MAGI1: variants seen among roughly 807,000 people sequenced by gnomAD.
MAGI1 encodes membrane-associated guanylate kinase, WW and PDZ domain-containing protein 1.
In MAGI1, 58 loss-of-function variants were observed where a neutral mutation model predicts 139.9. That is an observed-to-expected ratio of 0.41 (90% confidence interval 0.34 to 0.52). The LOEUF (loss-of-function observed/expected upper bound fraction) is 0.52. Ranked by LOEUF, MAGI1 falls within the 20% of genes least tolerant of loss-of-function variation. The probability of loss-of-function intolerance (pLI) is 0.12; values close to 1 mark genes in which losing one functional copy is unlikely to be tolerated. For missense variants in MAGI1, 1,874 were observed against 1,901.6 expected, an observed-to-expected ratio of 0.99 and a Z score of 0.27; for synonymous variants, 812 against 737.9, an observed-to-expected ratio of 1.10 and a Z score of -1.63.
chr3:65,850,798 C>T (rs1293450578), intron 1 of MAGI1, among the ~76,000 whole-genome samples: 1 of 152,112 alleles, frequency 6.6e-6, no homozygotes, highest in Non-Finnish European at 1.5e-5. Flanking sequence ...CCCAGTCAGG[C>T]TACCTTTATT....
intron 7 of MAGI1, among the ~76,000 whole-genome samples, chr3:65,444,035 A>T (rs1344134025): frequency 2.6e-5 from 4 of 152,176 alleles, no homozygotes; most frequent in Non-Finnish European, 4.4e-5. Flanking sequence ...TTTTGTTCAG[A>T]TTTGGCTGCA....
intron 2 of MAGI1, among the ~76,000 whole-genome samples, chr3:65,557,038 C>T (rs1265905276): frequency 2.0e-5 from 3 of 152,188 alleles, no homozygotes; most frequent in Non-Finnish European, 4.4e-5. Flanking sequence ...TGAACAGCAA[C>T]TTATCAGAAG....
intron 1 of MAGI1, among the ~76,000 whole-genome samples, chr3:66,010,486 G>C (rs756371534): frequency 5.3e-5 from 8 of 152,170 alleles, no homozygotes; most frequent in Non-Finnish European, 8.8e-5. Context: ...CTGAATGAAA[G>C]AAACTGCCTC....
intron 2 of MAGI1, among the ~76,000 whole-genome samples, chr3:65,582,506 G>A (rs1015101651): frequency 5.9e-5 from 9 of 152,166 alleles, no homozygotes; most frequent in Non-Finnish European, 1.0e-4. Context: ...ACTTCAGGTG[G>A]CAGCTCTTTG....
chr3:65,681,705 G>C (rs2087602287), intron 1 of MAGI1, among the ~76,000 whole-genome samples: 1 of 152,162 alleles, frequency 6.6e-6, no homozygotes, highest in African/African-American at 2.4e-5. Flanking sequence ...TAGATAACAA[G>C]TACTTTCCAT....
chr3:65,880,450 G>A (rs58631813), intron 1 of MAGI1, among the ~76,000 whole-genome samples: 5,216 of 152,194 alleles, frequency 0.034, 108 homozygotes, highest in Middle Eastern at 0.048. Flanking sequence ...AGGACTCCAT[G>A]TGTCACAATT....
chr3:65,856,851 T>C (rs2059392712), intron 1 of MAGI1, among the ~76,000 whole-genome samples: 1 of 152,228 alleles, frequency 6.6e-6, no homozygotes, highest in Non-Finnish European at 1.5e-5. Context: ...TGGGAGTTTC[T>C]GGGCATGCTC....
chr3:65,937,652 G>C (rs989825551), intron 1 of MAGI1, among the ~76,000 whole-genome samples: 2 of 152,038 alleles, frequency 1.3e-5, no homozygotes, highest in African/African-American at 4.8e-5. Context: ...CTGCTAAATA[G>C]AATTTTTAAG....
intron 1 of MAGI1, among the ~76,000 whole-genome samples, chr3:65,932,669 A>C (rs1395867650): frequency 6.6e-6 from 1 of 152,200 alleles, no homozygotes; most frequent in Non-Finnish European, 1.5e-5. Context: ...GACTAAAGCC[A>C]TCATATAATA....
chr3:65,683,769 A>G (rs2087772203), intron 1 of MAGI1, among the ~76,000 whole-genome samples: 1 of 151,886 alleles, frequency 6.6e-6, no homozygotes, highest in Non-Finnish European at 1.5e-5. Context: ...CACCTATCAG[A>G]ATGGATGAAA....
chr3:65,927,797 A>G (rs1293285634), intron 1 of MAGI1, among the ~76,000 whole-genome samples: 2 of 152,120 alleles, frequency 1.3e-5, no homozygotes, highest in Non-Finnish European at 2.9e-5. Flanking sequence ...TCTTAGGCTC[A>G]TTCCTAACCT....
chr3:65,513,821 T>C (rs201826688), intron 2 of MAGI1, among the ~76,000 whole-genome samples: 4,347 of 17,230 alleles, frequency 0.25, 531 homozygotes, highest in South Asian at 0.37. Flanking sequence ...AAAGTTCATA[T>C]GGAACCAAAA....
At chr3:65,686,934 G>A (rs893788310) in intron 1 of MAGI1, among the ~76,000 whole-genome samples, 1 of 152,138 alleles carries the variant, frequency 6.6e-6, no homozygotes, top group Non-Finnish European at 1.5e-5. Context: ...CTGGTTTACG[G>A]TAGCCCATTC....
At chr3:65,437,453 G>A (rs1232639381) in intron 9 of MAGI1, among the ~76,000 whole-genome samples, 1 of 148,000 alleles carries the variant, frequency 6.8e-6, no homozygotes, top group African/African-American at 2.5e-5. Flanking sequence ...GAAATATTAC[G>A]ATATAATGAA....
chr3:65,619,170 TAGC>T (rs1053931516), intron 2 of MAGI1, among the ~76,000 whole-genome samples: 17 of 152,248 alleles, frequency 1.1e-4, no homozygotes, highest in African/African-American at 3.4e-4. Flanking sequence ...AAAAGTAAAA[TAGC>T]AGCAGATGAG....
intron 1 of MAGI1, among the ~76,000 whole-genome samples, chr3:65,700,904 A>G (rs1280115271): frequency 2.0e-5 from 3 of 152,212 alleles, no homozygotes; most frequent in African/African-American, 7.2e-5. Context: ...ACAGCTCTTC[A>G]GGTCACCAAC....
At chr3:65,962,967 T>C (rs1576280243) in intron 1 of MAGI1, among the ~76,000 whole-genome samples, 1 of 144,580 alleles carries the variant, frequency 6.9e-6, no homozygotes, top group South Asian at 2.2e-4. Context: ...TAAAACAAGA[T>C]GAGTTTTTTT....
At chr3:65,729,736 C>A (rs2033997020) in intron 1 of MAGI1, among the ~76,000 whole-genome samples, 1 of 152,192 alleles carries the variant, frequency 6.6e-6, no homozygotes, top group Non-Finnish European at 1.5e-5. Context: ...TTCTGGGAAT[C>A]CAGCCATAAC....
chr3:65,902,391 T>C (rs141714772), intron 1 of MAGI1, among the ~76,000 whole-genome samples: 1 of 152,248 alleles, frequency 6.6e-6, no homozygotes, highest in African/African-American at 2.4e-5. Context: ...TCCTTAGCAG[T>C]AAAATTCGCA....
Sources: gnomAD v4.1 joint callset for allele counts (sites outside exome capture counted in the v4.1 genomes callset) on GRCh38, gnomAD v4.1.1 for gene constraint, MANE v1.5 for transcripts, NCBI Gene and HGNC (gene_info 2026-07-23, HGNC 2026-07-21) for gene names.